Variants in COL26A1 observed in about 807,000 individuals in gnomAD.
COL26A1 encodes the protein collagen alpha-1(XXVI) chain.
In COL26A1, 41 loss-of-function variants were observed where a neutral mutation model predicts 59.3. That is an observed-to-expected ratio of 0.69 (90% CI 0.54 to 0.90). The LOEUF is 0.90. Among genes scored for constraint, COL26A1 ranks in the 40% least tolerant of loss-of-function variants. The pLI, the probability that COL26A1 is intolerant of heterozygous loss-of-function variation, is 0.00. For missense variants in COL26A1, 612 were observed against 602.3 expected (o/e 1.02, Z -0.17); for synonymous variants, 266 against 256.0 (o/e 1.04, Z -0.37).
At chr7:101,422,938 G>T (rs1402274982) in intron 2 of COL26A1, among the ~76,000 whole-genome samples, 1 of 152,150 alleles carries the variant, frequency 6.6e-6, no homozygotes, top group Admixed American at 6.6e-5. Context: ...ACCATGCCTG[G>T]TCTCAACAAG....
chr7:101,454,382 C>T (rs55864413), intron 3 of COL26A1, among the ~76,000 whole-genome samples: 31 of 151,452 alleles, frequency 2.0e-4, no homozygotes, highest in Admixed American at 4.6e-4. Flanking sequence ...CCTCAGCCTT[C>T]CAAGTAGCTG....
intron 1 of COL26A1, among the ~76,000 whole-genome samples, chr7:101,414,332 C>A (rs1792318733): frequency 6.6e-6 from 1 of 151,798 alleles, no homozygotes; most frequent in Non-Finnish European, 1.5e-5. Flanking sequence ...GTTCTAGAAC[C>A]CTCGGGCGGA....
chr7:101,480,640 A>G (rs1794135309), intron 3 of COL26A1, among the ~76,000 whole-genome samples: 1 of 152,084 alleles, frequency 6.6e-6, no homozygotes, highest in Admixed American at 6.6e-5. Flanking sequence ...AGCTGGGACT[A>G]TAGGCGTGCG....
chr7:101,476,111 A>G (rs1005275525), intron 3 of COL26A1, among the ~76,000 whole-genome samples: 1 of 150,560 alleles, frequency 6.6e-6, no homozygotes, highest in Non-Finnish European at 1.5e-5. Flanking sequence ...AGTAGCTGGG[A>G]TTACAGGTGC....
intron 4 of COL26A1, among the ~76,000 whole-genome samples, chr7:101,538,064 C>T (rs1562795103): frequency 6.6e-6 from 1 of 152,148 alleles, no homozygotes; most frequent in Non-Finnish European, 1.5e-5. Context: ...CACCTCCTGC[C>T]CCCAGCCCCA....
intron 3 of COL26A1, among the ~76,000 whole-genome samples, chr7:101,508,757 C>T (rs1794863612): frequency 6.6e-6 from 1 of 152,178 alleles, no homozygotes. Context: ...TGCTGGGTGT[C>T]ATTTCACATG....
chr7:101,510,937 G>A (rs1794909969), intron 3 of COL26A1, among the ~76,000 whole-genome samples: 1 of 124,002 alleles, frequency 8.1e-6, no homozygotes, highest in African/African-American at 3.1e-5. Context: ...GTCTCGCTCT[G>A]TCGCCCAGGC....
chr7:101,544,057 C>A lies in COL26A1; in HGVS notation c.664C>A (p.Arg222=). Residue 222 remains arginine, a synonymous_variant, in exon 6 of 13, where the codon CGA becomes AGA. Coordinates refer to ENST00000313669, the MANE Select transcript of COL26A1 (RefSeq NM_001278563.3). ...PAGPPGSKGD[R]GQTGEKGPAG... is the part of the protein sequence containing the mutation. ...AGGCCCCCCCGGGTCTAAAGGTGAC[C>A]GAGGCCAGACAGGAGAGAAGGGTCC... 6.2e-7 allele frequency: 1 copy of A among 1,605,448 alleles called. No homozygotes were observed. The highest frequency in any genetic ancestry group is 8.5e-7 in the Non-Finnish European group (1 of 1,176,596).
At chr7:101,378,220 A>T (rs1175899140) in intron 1 of COL26A1, among the ~76,000 whole-genome samples, 1 of 152,080 alleles carries the variant, frequency 6.6e-6, no homozygotes, top group Non-Finnish European at 1.5e-5. Flanking sequence ...TCTCTACTAA[A>T]AATACAAAAA....
intron 3 of COL26A1, among the ~76,000 whole-genome samples, chr7:101,475,248 C>T (rs1404113126): frequency 6.6e-6 from 1 of 150,950 alleles, no homozygotes; most frequent in Admixed American, 6.6e-5. Flanking sequence ...CTTAGCAAGG[C>T]ATGTTCAGAT....
chr7:101,433,164 A>G (rs926436735), intron 2 of COL26A1, among the ~76,000 whole-genome samples: 2 of 152,086 alleles, frequency 1.3e-5, no homozygotes, highest in Non-Finnish European at 2.9e-5. Context: ...TTCCACTAAA[A>G]ACAGAAAAAA....
At chr7:101,539,294 A>ATG (rs769498284) in intron 4 of COL26A1, among the ~76,000 whole-genome samples, 9,293 of 135,796 alleles carry the variant, frequency 0.068, 398 homozygotes, top group East Asian at 0.17. Context: ...GTGTGTGTGT[A>ATG]TGTGTGTGTG....
At chr7:101,555,307 C>G (rs1187326916) in intron 11 of COL26A1, among the ~76,000 whole-genome samples, 1 of 152,190 alleles carries the variant, frequency 6.6e-6, no homozygotes, top group East Asian at 1.9e-4. Flanking sequence ...CCTGGCATGG[C>G]CACACCTACC....
At chr7:101,443,180 C>T (rs1353129387) in intron 2 of COL26A1, among the ~76,000 whole-genome samples, 2 of 152,126 alleles carry the variant, frequency 1.3e-5, no homozygotes, top group Non-Finnish European at 2.9e-5. Context: ...CTCTTTCCAA[C>T]CCCCCATCCT....
At chr7:101,426,994 C>T (rs1792664177) in intron 2 of COL26A1, among the ~76,000 whole-genome samples, 2 of 152,144 alleles carry the variant, frequency 1.3e-5, no homozygotes, top group Non-Finnish European at 2.9e-5. Flanking sequence ...TACATTTCAC[C>T]CCCAGCATTT....
At chr7:101,460,263 T>G (rs139811180) in intron 3 of COL26A1, among the ~76,000 whole-genome samples, 51 of 152,182 alleles carry the variant, frequency 3.4e-4, no homozygotes, top group African/African-American at 1.2e-3. Flanking sequence ...CATCCAATAC[T>G]GTGAGATAAG....
chr7:101,365,144 C>G (rs571572124), intron 1 of COL26A1, among the ~76,000 whole-genome samples: 105 of 152,248 alleles, frequency 6.9e-4, no homozygotes, highest in African/African-American at 2.5e-3. Flanking sequence ...TTACCCGGGG[C>G]TTCTATGAGG....
intron 9 of COL26A1, among the ~76,000 whole-genome samples, chr7:101,549,531 C>T (rs1292312399): frequency 6.6e-6 from 1 of 152,164 alleles, no homozygotes; most frequent in Non-Finnish European, 1.5e-5. Context: ...CAGGCGCACG[C>T]CACCACGCCC....
At chr7:101,514,521 TAGGG>T (rs918227510) in intron 3 of COL26A1, among the ~76,000 whole-genome samples, 1 of 151,856 alleles carries the variant, frequency 6.6e-6, no homozygotes, top group Admixed American at 6.6e-5. Flanking sequence ...ACAACCCTAT[TAGGG>T]AGGTTTATTC....
Sources: allele counts gnomAD v4.1 joint callset (sites outside exome capture counted in the v4.1 genomes callset), GRCh38; gene constraint gnomAD v4.1.1; transcripts MANE v1.5; gene names NCBI Gene and HGNC (gene_info 2026-07-23, HGNC 2026-07-21).